The following PTPRT variants were observed in gnomAD, a reference collection of about 807,000 sequenced individuals.
PTPRT encodes receptor-type tyrosine-protein phosphatase T.
PTPRT carries 56 observed loss-of-function variants against 176.8 expected under a neutral mutation model. The ratio of observed to expected loss-of-function variants is 0.32; its 90% CI spans 0.26 to 0.40. The LOEUF is 0.40. Among genes scored for constraint, PTPRT ranks in the 10% least tolerant of loss-of-function variants. The pLI, the probability that PTPRT is intolerant of heterozygous loss-of-function variation, is 1.00. For missense variants in PTPRT, 1,540 were observed against 1,908.2 expected, an observed-to-expected ratio of 0.81 and a Z score of 3.60; for synonymous variants, 783 against 739.0, an observed-to-expected ratio of 1.06 and a Z score of -0.96.
intron 7 of PTPRT, among the ~76,000 whole-genome samples, chr20:42,511,434 A>G (rs2071954401): frequency 6.6e-6 from 1 of 152,122 alleles, no homozygotes; most frequent in African/African-American, 2.4e-5. Flanking sequence ...AAGCCAGGAC[A>G]GGACTTTTGT....
intron 1 of PTPRT, among the ~76,000 whole-genome samples, chr20:43,092,589 T>G (rs546007573): frequency 1.3e-5 from 2 of 152,342 alleles, no homozygotes; most frequent in East Asian, 3.9e-4. Context: ...TTGGCCCCTA[T>G]GTGGTTGAGT....
chr20:43,064,994 G>A (rs1267168171), intron 1 of PTPRT, among the ~76,000 whole-genome samples: 6 of 152,084 alleles, frequency 3.9e-5, no homozygotes, highest in South Asian at 4.2e-4. Flanking sequence ...TGCCCTCATC[G>A]GTGATGATGA....
intron 2 of PTPRT, among the ~76,000 whole-genome samples, chr20:42,816,898 C>G (rs2077796483): frequency 6.6e-6 from 1 of 152,146 alleles, no homozygotes; most frequent in African/African-American, 2.4e-5. Flanking sequence ...TAAAAATTAC[C>G]AACCTTGGCC....
intron 14 of PTPRT, among the ~76,000 whole-genome samples, chr20:42,241,290 A>C (rs1464121812): frequency 6.6e-6 from 1 of 152,160 alleles, no homozygotes; most frequent in Non-Finnish European, 1.5e-5. Context: ...AAAGTAAAAG[A>C]GAAGTCAGAT....
chr20:42,660,918 G>A (rs2075211962), intron 7 of PTPRT, among the ~76,000 whole-genome samples: 1 of 152,096 alleles, frequency 6.6e-6, no homozygotes, highest in South Asian at 2.1e-4. Context: ...GTGGCATGAT[G>A]TCGGCTCACT....
intron 9 of PTPRT, among the ~76,000 whole-genome samples, chr20:42,405,462 G>A (rs1035911220): frequency 3.3e-5 from 5 of 152,100 alleles, no homozygotes; most frequent in African/African-American, 7.2e-5. Flanking sequence ...TTGTCCTTGC[G>A]ACAGTTTGCT....
chr20:42,276,531 A>G (rs866356033), intron 13 of PTPRT, among the ~76,000 whole-genome samples: 1 of 44,970 alleles, frequency 2.2e-5, no homozygotes, highest in Non-Finnish European at 4.6e-5. Flanking sequence ...ATATATATAT[A>G]TATATATATA....
At chr20:42,164,168 AG>A (rs1694809315) in intron 16 of PTPRT, among the ~76,000 whole-genome samples, 1 of 152,224 alleles carries the variant, frequency 6.6e-6, no homozygotes, top group Non-Finnish European at 1.5e-5. Flanking sequence ...ACATGGGGAC[AG>A]TTGTCTTCAG....
At chr20:42,664,357 T>A (rs1236320786) in intron 7 of PTPRT, among the ~76,000 whole-genome samples, 1 of 152,174 alleles carries the variant, frequency 6.6e-6, no homozygotes, top group Admixed American at 6.5e-5. Context: ...TAACATGGCA[T>A]AGAAGATTTT....
At chr20:42,070,507 G>A (rs144588653), downstream of PTPRT, among the ~76,000 whole-genome samples, 136 of 152,094 alleles carry the variant, frequency 8.9e-4, no homozygotes, top group Middle Eastern at 3.4e-3. Context: ...ATCACTGTGA[G>A]AACCCAAGAC....
intron 13 of PTPRT, among the ~76,000 whole-genome samples, chr20:42,276,554 T>TATATATATTTATATAA (rs2057041912): frequency 5.6e-5 from 5 of 89,884 alleles, no homozygotes; most frequent in African/African-American, 2.2e-4. Flanking sequence ...TATATATATA[T>TATATATATTTATATAA]ATATAATGTT....
chr20:42,194,863 G>A (rs146289104), intron 16 of PTPRT, among the ~76,000 whole-genome samples: 121 of 152,194 alleles, frequency 8.0e-4, no homozygotes, highest in African/African-American at 2.8e-3. Flanking sequence ...ATATTAGAAG[G>A]TTTGATTGAA....
intron 7 of PTPRT, among the ~76,000 whole-genome samples, chr20:42,598,043 T>C (rs1361608175): frequency 2.0e-5 from 3 of 152,154 alleles, no homozygotes; most frequent in African/African-American, 7.2e-5. Context: ...TTTGAAATCA[T>C]GAATATATAT....
chr20:42,181,676 A>G (rs753255875), intron 16 of PTPRT, among the ~76,000 whole-genome samples: 39 of 152,214 alleles, frequency 2.6e-4, no homozygotes, highest in Non-Finnish European at 4.7e-4. Context: ...TAAAATTAGC[A>G]TAATGATTCA....
Position 43,188,753 on chromosome 20 carries a change from G to A in PTPRT, c.88+893C>T, listed in dbSNP as rs1019069455. 3.2e-4 allele frequency among the ~76,000 whole-genome samples: 48 copies of A among 150,604 alleles called. 6 individuals carry two copies. Among genetic ancestry groups the A allele is most frequent in the African/African-American group, 1.0e-3 (41 of 41,070 alleles). ...TCTTCCCTCCGCCGCTACTCTTGGGGGGGGGGGGGCTCGGGGGTGGAAGCT... is the reference window on the plus strand; with the variant it reads ...TCTTCCCTCCGCCGCTACTCTTGGGAGGGGGGGGGCTCGGGGGTGGAAGCT... On this transcript the variant is annotated intron_variant, in intron 1 of 30. Coordinates refer to ENST00000373187, the MANE Select transcript of PTPRT (RefSeq NM_007050.6).
At chr20:42,598,930 C>T (rs928656329) in intron 7 of PTPRT, among the ~76,000 whole-genome samples, 13 of 152,254 alleles carry the variant, frequency 8.5e-5, no homozygotes, top group South Asian at 4.1e-4. Context: ...GCTAAATAAA[C>T]GAATGAAGAA....
intron 6 of PTPRT, among the ~76,000 whole-genome samples, chr20:42,746,891 G>A (rs541867600): frequency 4.3e-4 from 65 of 152,244 alleles, no homozygotes; most frequent in African/African-American, 1.4e-3. Context: ...GGCTCTTGGG[G>A]GAATGGGTAG....
At chr20:42,225,939 C>A (rs2146811227) in intron 15 of PTPRT, among the ~76,000 whole-genome samples, 1 of 152,308 alleles carries the variant, frequency 6.6e-6, no homozygotes, top group South Asian at 2.1e-4. Flanking sequence ...AGGTGTGAGC[C>A]ACCGCACCAG....
the PTPRT span, among the ~76,000 whole-genome samples, chr20:42,051,607 A>G: frequency 2.0e-5 from 3 of 152,072 alleles, no homozygotes; most frequent in Non-Finnish European, 4.4e-5. Context: ...TGGTTGTCAG[A>G]CCCCCATGGG....
Sources: allele counts gnomAD v4.1 joint callset (sites outside exome capture counted in the v4.1 genomes callset), GRCh38; gene constraint gnomAD v4.1.1; transcripts MANE v1.5; gene names NCBI Gene and HGNC (gene_info 2026-07-23, HGNC 2026-07-21).